Variants in MYCT1 observed in about 807,000 individuals in gnomAD.
The protein encoded by MYCT1 is myc target protein 1.
A neutral mutation model predicts 15.0 loss-of-function variants in MYCT1; 12 were observed. The observed-to-expected ratio is 0.80, with a 90% CI of 0.51 to 1.29. The LOEUF is 1.29. Ranked by LOEUF, MYCT1 falls within the 50% of genes most tolerant of loss-of-function variation. MYCT1 has a pLI of 0.00. For missense variants in MYCT1, 287 were observed against 279.1 expected, an observed-to-expected ratio of 1.03 and a Z score of -0.20; for synonymous variants, 104 against 102.7, an observed-to-expected ratio of 1.01 and a Z score of -0.07.
chr6:152,712,519 G>T (rs1237685762), intron 1 of MYCT1, among the ~76,000 whole-genome samples: 1 of 71,810 alleles, frequency 1.4e-5, no homozygotes, highest in African/African-American at 3.7e-5. Flanking sequence ...ACTGGCCTGC[G>T]CCCACTGTCT....
chr6:152,742,599 C>T, the MYCT1 span, among the ~76,000 whole-genome samples: 1 of 152,044 alleles, frequency 6.6e-6, no homozygotes, highest in African/African-American at 2.4e-5. Flanking sequence ...TGGAAAAGAG[C>T]TTGGAAGAAA....
chr6:152,718,867 A>T (rs1202073578), intron 1 of MYCT1, among the ~76,000 whole-genome samples: 3 of 152,112 alleles, frequency 2.0e-5, no homozygotes, highest in Non-Finnish European at 4.4e-5. Context: ...ATACTGAGAT[A>T]TTTAGAGTCT....
chr6:152,736,155 A>G, the MYCT1 span, among the ~76,000 whole-genome samples: 1 of 152,154 alleles, frequency 6.6e-6, no homozygotes, highest in Non-Finnish European at 1.5e-5. Flanking sequence ...TGAAAGGAAT[A>G]GGAACAGATA....
intron 1 of MYCT1, among the ~76,000 whole-genome samples, chr6:152,699,146 C>G (rs2099720915): frequency 6.6e-6 from 1 of 152,096 alleles, no homozygotes; most frequent in African/African-American, 2.4e-5. Flanking sequence ...TTCACATAAA[C>G]AGTGAGCAGT....
chr6:152,739,456 A>G, the MYCT1 span, among the ~76,000 whole-genome samples: 1 of 151,922 alleles, frequency 6.6e-6, no homozygotes, highest in Non-Finnish European at 1.5e-5. Context: ...AGATTGATGT[A>G]TCACATTGCC....
downstream of MYCT1, among the ~76,000 whole-genome samples, chr6:152,725,821 G>A (rs1445029410): frequency 6.6e-6 from 1 of 152,122 alleles, no homozygotes; most frequent in Non-Finnish European, 1.5e-5. Flanking sequence ...TGGAGACCAA[G>A]CCTGCTATAC....
the MYCT1 span, among the ~76,000 whole-genome samples, chr6:152,735,572 T>C: frequency 6.6e-6 from 1 of 152,076 alleles, no homozygotes. Flanking sequence ...TAAATAGAGG[T>C]GAAGAGGAAC....
intron 1 of MYCT1, among the ~76,000 whole-genome samples, chr6:152,714,248 T>G (rs1345986804): frequency 7.1e-6 from 1 of 140,024 alleles, no homozygotes; most frequent in East Asian, 2.0e-4. Context: ...ATTTTATTCA[T>G]TTTTATTAGA....
chr6:152,715,850 C>T (rs1452664918), intron 1 of MYCT1, among the ~76,000 whole-genome samples: 1 of 152,120 alleles, frequency 6.6e-6, no homozygotes, highest in East Asian at 1.9e-4. Flanking sequence ...GAAGTGCAGA[C>T]AGAGCTCAGT....
intron 1 of MYCT1, among the ~76,000 whole-genome samples, chr6:152,702,777 G>A (rs142626692): frequency 1.3e-3 from 202 of 152,276 alleles, no homozygotes; most frequent in African/African-American, 4.7e-3. Context: ...AGAAATGTCT[G>A]TGTTGCATAT....
At chr6:152,734,698 T>C in the MYCT1 span, among the ~76,000 whole-genome samples, 1 of 152,122 alleles carries the variant, frequency 6.6e-6, no homozygotes, top group Admixed American at 6.6e-5. Flanking sequence ...TTCATTCTAT[T>C]AGGTTAATTC....
intron 1 of MYCT1, chr6:152,705,765 T>A: frequency 2.0e-6 from 1 of 510,982 alleles, no homozygotes; most frequent in South Asian, 2.7e-5. Flanking sequence ...CTTGGACTCA[T>A]AGACTCCAGC....
rs2099720691 is a variant in MYCT1 at position 152,697,956 on chromosome 6, A to G, written c.54A>G (p.Val18=). ...GLCKNYFSLA[V]LQRDRIKLLF... is the part of the protein sequence containing the mutation. ...GTAAAAATTATTTTTCTCTTGCTGTACTACAAAGAGATAGAATCAAACTGC... is the reference window on the plus strand; with the variant it reads ...GTAAAAATTATTTTTCTCTTGCTGTGCTACAAAGAGATAGAATCAAACTGC... Residue 18 remains valine, a synonymous_variant, in exon 1 of 2, where the codon GTA becomes GTG. Coordinates refer to ENST00000367245, the MANE Select transcript of MYCT1 (RefSeq NM_025107.3). The G allele has an allele frequency of 3.1e-6, 5 of 1,604,630 alleles. No homozygotes were observed. The East Asian group carries it at 1.1e-4, about 36-fold the overall frequency.
chr6:152,719,887 T>G (rs2099724383), intron 1 of MYCT1, among the ~76,000 whole-genome samples: 1 of 152,178 alleles, frequency 6.6e-6, no homozygotes, highest in Non-Finnish European at 1.5e-5. Context: ...ACAAATTCCC[T>G]AAAAATCACA....
the MYCT1 span, among the ~76,000 whole-genome samples, chr6:152,742,891 T>G: frequency 2.0e-5 from 3 of 152,224 alleles, no homozygotes; most frequent in Admixed American, 6.5e-5. Flanking sequence ...GCAAAAGTGT[T>G]TCTCATTTCC....
At chr6:152,707,508 A>G (rs998399225) in intron 1 of MYCT1, among the ~76,000 whole-genome samples, 4 of 151,996 alleles carry the variant, frequency 2.6e-5, no homozygotes, top group Admixed American at 2.6e-4. Context: ...TTGTAGTTTG[A>G]CACAATTCTA....
At chr6:152,701,178 T>C (rs1410366137) in intron 1 of MYCT1, among the ~76,000 whole-genome samples, 2 of 152,204 alleles carry the variant, frequency 1.3e-5, no homozygotes, top group Non-Finnish European at 2.9e-5. Flanking sequence ...ATTCTAGTCA[T>C]TCATTTTTTT....
chr6:152,746,261 C>T, the MYCT1 span, among the ~76,000 whole-genome samples: 11 of 152,168 alleles, frequency 7.2e-5, no homozygotes, highest in South Asian at 4.1e-4. Context: ...TCTCCCAACA[C>T]CCCGGCAGAC....
intron 1 of MYCT1, among the ~76,000 whole-genome samples, chr6:152,713,931 T>C (rs1008004197): frequency 1.3e-5 from 2 of 152,142 alleles, no homozygotes; most frequent in Admixed American, 6.6e-5. Context: ...GCTGTTCTTT[T>C]CTTCCAGGTC....
Sources: gnomAD v4.1 joint callset for allele counts (sites outside exome capture counted in the v4.1 genomes callset) on GRCh38, gnomAD v4.1.1 for gene constraint, MANE v1.5 for transcripts, NCBI Gene and HGNC (gene_info 2026-07-23, HGNC 2026-07-21) for gene names.